SCN2A: variants seen among roughly 807,000 people sequenced by gnomAD.
SCN2A encodes the protein sodium voltage-gated channel alpha subunit 2.
Under a neutral mutation model 188.7 loss-of-function variants are expected in SCN2A, and 20 were observed. That is an observed-to-expected ratio of 0.11 (90% CI 0.07 to 0.15). The LOEUF is 0.15. Ranked by LOEUF, SCN2A falls within the 10% of genes least tolerant of loss-of-function variation. SCN2A has a pLI of 1.00. For missense variants in SCN2A, 1,278 were observed against 2,445.0 expected, an observed-to-expected ratio of 0.52 and a Z score of 10.07; for synonymous variants, 804 against 833.1, an observed-to-expected ratio of 0.97 and a Z score of 0.60.
At chr2:165,250,618 T>C (rs17182905) in intron 1 of SCN2A, among the ~76,000 whole-genome samples, 2,126 of 151,858 alleles carry the variant, frequency 0.014, 46 homozygotes, top group Admixed American at 0.075. Context: ...AATAACAGAT[T>C]AACCAACAAT....
intron 1 of SCN2A, among the ~76,000 whole-genome samples, chr2:165,262,259 G>T (rs1208877510): frequency 1.3e-5 from 2 of 152,030 alleles, no homozygotes; most frequent in African/African-American, 4.8e-5. Context: ...GGGAACTGGT[G>T]GTGTTTGGTT....
intron 1 of SCN2A, among the ~76,000 whole-genome samples, chr2:165,257,845 G>T (rs1284803761): frequency 6.6e-6 from 1 of 152,118 alleles, no homozygotes; most frequent in East Asian, 1.9e-4. Context: ...GCCTCATTGT[G>T]GTTTTGATTT....
chr2:165,258,807 A>G (rs1446135808), intron 1 of SCN2A, among the ~76,000 whole-genome samples: 1 of 152,244 alleles, frequency 6.6e-6, no homozygotes, highest in African/African-American at 2.4e-5. Context: ...GCTGGGGGCT[A>G]TTATAGTAGG....
intron 16 of SCN2A, among the ~76,000 whole-genome samples, chr2:165,346,361 G>A (rs1699586869): frequency 6.6e-6 from 1 of 152,072 alleles, no homozygotes; most frequent in South Asian, 2.1e-4. Flanking sequence ...CTTAGGGTTG[G>A]TCTTTTCACA....
chr2:165,281,765 G>A (rs1260464040), intron 1 of SCN2A, among the ~76,000 whole-genome samples: 2 of 152,178 alleles, frequency 1.3e-5, no homozygotes, highest in African/African-American at 2.4e-5. Flanking sequence ...TTATTACCAG[G>A]GCTGGCTTCG....
chr2:165,267,097 T>C (rs1694901083), intron 1 of SCN2A: 1 of 152,040 alleles, frequency 6.6e-6, no homozygotes, highest in South Asian at 2.1e-4. Context: ...ATCTGTGGAT[T>C]CAATGAAATC....
intron 4 of SCN2A, among the ~76,000 whole-genome samples, chr2:165,308,431 G>T (rs1285566529): frequency 6.6e-6 from 1 of 151,850 alleles, no homozygotes. Flanking sequence ...CACATTATTT[G>T]GATCCTTTAA....
chr2:165,348,151 T>C (rs945307352), intron 16 of SCN2A, among the ~76,000 whole-genome samples: 5 of 151,988 alleles, frequency 3.3e-5, no homozygotes, highest in Admixed American at 6.6e-5. Flanking sequence ...TTGAGGACAG[T>C]AGTTCGCGAC....
chr2:165,332,253 G>A (rs930346008), intron 14 of SCN2A, among the ~76,000 whole-genome samples: 1 of 151,780 alleles, frequency 6.6e-6, no homozygotes, highest in African/African-American at 2.4e-5. Flanking sequence ...GAACATATAA[G>A]CAGGTTATAT....
At chr2:165,360,640 G>A (rs1349359293) in intron 17 of SCN2A, among the ~76,000 whole-genome samples, 3 of 151,868 alleles carry the variant, frequency 2.0e-5, no homozygotes, top group African/African-American at 4.8e-5. Flanking sequence ...ATTTGATCTC[G>A]TTATTGTCCT....
intron 11 of SCN2A, among the ~76,000 whole-genome samples, chr2:165,321,677 T>TA (rs1401765393): frequency 1.3e-5 from 2 of 152,070 alleles, no homozygotes; most frequent in Non-Finnish European, 2.9e-5. Context: ...ATAAAATCAT[T>TA]AGATCTCATG....
intron 17 of SCN2A, among the ~76,000 whole-genome samples, chr2:165,363,337 G>A (rs569311210): frequency 4.6e-5 from 7 of 152,138 alleles, no homozygotes; most frequent in South Asian, 2.1e-4. Context: ...GTCTTACCCC[G>A]TTCTGTGTTT....
At chr2:165,315,837 C>T (rs953095809) in intron 11 of SCN2A, 79 bp downstream of exon 11, 82 of 1,478,786 alleles carry the variant, frequency 5.5e-5, no homozygotes, top group South Asian at 4.5e-4. Context: ...GAGAGAAAAC[C>T]GCCTTCCACC....
rs182365380 is a variant in SCN2A, at chr2:165,264,307, G to A, written c.-52+24667G>A. On this transcript the variant is annotated intron_variant, in intron 1 of 26. Transcript: ENST00000375437. ...TGCAGGGATGGTTAAACATCCACAA[G>A]TCAATAAATGTGATACACTGCATAA... 3.3e-5 allele frequency among the ~76,000 whole-genome samples: 5 copies of A among 152,184 alleles called. No individual in the cohort carries two copies. In the East Asian group the frequency reaches 9.6e-4, roughly 29 times the overall value.
At chr2:165,352,638 C>G (rs1027583678) in intron 16 of SCN2A, among the ~76,000 whole-genome samples, 7 of 152,142 alleles carry the variant, frequency 4.6e-5, no homozygotes, top group African/African-American at 1.7e-4. Flanking sequence ...AAATTCACAT[C>G]TGGCCTCCTG....
chr2:165,306,397 A>G (rs1156951307), intron 3 of SCN2A, among the ~76,000 whole-genome samples: 1 of 152,140 alleles, frequency 6.6e-6, no homozygotes, highest in Non-Finnish European at 1.5e-5. Context: ...CAACAAGCAC[A>G]GGGGACCCTC....
chr2:165,277,455 G>A (rs1352516672), intron 1 of SCN2A, among the ~76,000 whole-genome samples: 1 of 152,158 alleles, frequency 6.6e-6, no homozygotes, highest in Non-Finnish European at 1.5e-5. Flanking sequence ...TAGAAATAAA[G>A]CAAAGGAAAT....
chr2:165,334,440 T>G (rs1698872807), intron 14 of SCN2A, among the ~76,000 whole-genome samples: 1 of 151,848 alleles, frequency 6.6e-6, no homozygotes, highest in African/African-American at 2.4e-5. Flanking sequence ...TTATGTACTC[T>G]GAATAAGTGA....
chr2:165,296,322 G>A (rs1361176274), intron 2 of SCN2A: 12 of 552,802 alleles, frequency 2.2e-5, no homozygotes, highest in South Asian at 4.2e-5. Context: ...CCTCCAGCGC[G>A]GGAATTAAGG....
Sources: gnomAD v4.1 joint callset for allele counts (sites outside exome capture counted in the v4.1 genomes callset) on GRCh38, gnomAD v4.1.1 for gene constraint, MANE v1.5 for transcripts, NCBI Gene and HGNC (gene_info 2026-07-23, HGNC 2026-07-21) for gene names.